KLHL13: variants seen among roughly 807,000 people sequenced by gnomAD.
KLHL13 encodes kelch-like protein 13.
A neutral mutation model predicts 37.1 loss-of-function variants in KLHL13; 10 were observed. That is an observed-to-expected ratio of 0.27 (90% CI 0.17 to 0.46). The LOEUF (loss-of-function observed/expected upper bound fraction) is 0.46, where lower values mean the gene tolerates loss of function less well. KLHL13 is among the 20% of genes least tolerant of loss of function. KLHL13 has a pLI of 1.00. For missense variants in KLHL13, 360 were observed against 509.3 expected (o/e 0.71, Z 2.82); for synonymous variants, 163 against 181.2 (o/e 0.90, Z 0.81).
chrX:118,039,450 T>C (rs1404982040), intron 1 of KLHL13, among the ~76,000 whole-genome samples: 1 of 111,697 alleles, frequency 9.0e-6, no homozygotes, highest in African/African-American at 3.3e-5. Flanking sequence ...AGCTAGATAG[T>C]ACTCATTACA....
intron 1 of KLHL13, among the ~76,000 whole-genome samples, chrX:118,023,014 G>A (rs2148014838): frequency 9.0e-6 from 1 of 111,597 alleles, no homozygotes; most frequent in African/African-American, 3.2e-5. Flanking sequence ...TATGATTTCA[G>A]GCCTTACACT....
intron 4 of KLHL13, among the ~76,000 whole-genome samples, chrX:117,910,715 T>C (rs780014323): frequency 8.0e-5 from 9 of 111,809 alleles, no homozygotes; most frequent in Non-Finnish European, 1.5e-4. Flanking sequence ...TATCTGGAAA[T>C]ATAAGCAAGG....
At chrX:118,093,227 T>C (rs889039035) in intron 1 of KLHL13, among the ~76,000 whole-genome samples, 2 of 111,986 alleles carry the variant, frequency 1.8e-5, no homozygotes, top group African/African-American at 6.5e-5. Context: ...AAGATAAATT[T>C]GAAACTAAAA....
intron 1 of KLHL13, among the ~76,000 whole-genome samples, chrX:117,966,559 C>T (rs901946521): frequency 4.5e-5 from 5 of 111,569 alleles, no homozygotes; most frequent in Non-Finnish European, 9.4e-5. Flanking sequence ...GAAAAAACTA[C>T]TTTAAAGTTC....
chrX:118,019,961 G>A (rs1218164600), intron 1 of KLHL13, among the ~76,000 whole-genome samples: 1 of 107,634 alleles, frequency 9.3e-6, no homozygotes, highest in Admixed American at 1.0e-4. Context: ...GCTTAGGATT[G>A]ACTTGGTGAT....
chrX:117,965,170 T>C (rs2053397988), intron 1 of KLHL13, among the ~76,000 whole-genome samples: 1 of 111,757 alleles, frequency 8.9e-6, no homozygotes, highest in South Asian at 3.8e-4. Context: ...CACACTGACT[T>C]CCACAATGGT....
At chrX:117,976,949 A>G (rs1480152835), upstream of KLHL13, among the ~76,000 whole-genome samples, 4 of 111,768 alleles carry the variant, frequency 3.6e-5, no homozygotes, top group African/African-American at 6.5e-5. Context: ...GTATAAACGA[A>G]AACACTGAAA....
At chrX:118,030,734 C>T (rs188288784) in intron 1 of KLHL13, among the ~76,000 whole-genome samples, 2 of 112,081 alleles carry the variant, frequency 1.8e-5, no homozygotes, top group African/African-American at 6.5e-5. Flanking sequence ...CTCTCTCCCT[C>T]TGCCTCTTTT....
At chrX:117,991,635 C>T (rs1224579576) in intron 1 of KLHL13, among the ~76,000 whole-genome samples, 2 of 110,558 alleles carry the variant, frequency 1.8e-5, no homozygotes, top group Non-Finnish European at 3.8e-5. Context: ...GATTTGCACA[C>T]AACTAAAAAA....
chrX:117,933,924 A>G (rs1466303191), intron 2 of KLHL13, among the ~76,000 whole-genome samples: 1 of 110,817 alleles, frequency 9.0e-6, no homozygotes, highest in Non-Finnish European at 1.9e-5. Flanking sequence ...TTTAAGATGG[A>G]TCATATACAC....
intron 1 of KLHL13, among the ~76,000 whole-genome samples, chrX:117,981,060 G>C (rs1405445034): frequency 8.9e-6 from 1 of 111,993 alleles, no homozygotes; most frequent in Non-Finnish European, 1.9e-5. Context: ...AACAGCTAAA[G>C]AGTACAGAGA....
At chrX:117,981,800 G>A (rs936503622) in intron 1 of KLHL13, among the ~76,000 whole-genome samples, 1 of 111,459 alleles carries the variant, frequency 9.0e-6, no homozygotes, top group Non-Finnish European at 1.9e-5. Context: ...TCCAAAAAGG[G>A]TGAAGAGGCA....
At chrX:118,095,648 T>G (rs1234427849) in intron 1 of KLHL13, among the ~76,000 whole-genome samples, 1 of 111,209 alleles carries the variant, frequency 9.0e-6, no homozygotes, top group Non-Finnish European at 1.9e-5. Context: ...GAAGTAAAGC[T>G]CTCCTCAGCA....
At chrX:117,940,023 G>C (rs764459943) in intron 2 of KLHL13, among the ~76,000 whole-genome samples, 11 of 111,838 alleles carry the variant, frequency 9.8e-5, no homozygotes, top group Admixed American at 4.8e-4. Context: ...GCCGATGCCT[G>C]TGTCCTGAAT....
At chrX:118,034,145 G>C (rs1233325138) in intron 1 of KLHL13, among the ~76,000 whole-genome samples, 49 of 99,671 alleles carry the variant, frequency 4.9e-4, no homozygotes, top group African/African-American at 2.1e-3. Flanking sequence ...AATAATGGGA[G>C]ACTTTAACAC....
At chrX:117,973,973 G>A (rs2053566576), upstream of KLHL13, among the ~76,000 whole-genome samples, 2 of 110,043 alleles carry the variant, frequency 1.8e-5, no homozygotes, top group African/African-American at 6.6e-5. Flanking sequence ...TTGTCAAGGA[G>A]GTTCAAAAAT....
chrX:117,964,945 C>T (rs2053390669), intron 1 of KLHL13, among the ~76,000 whole-genome samples: 1 of 111,710 alleles, frequency 9.0e-6, no homozygotes, highest in Admixed American at 9.5e-5. Flanking sequence ...GCATAGTATT[C>T]CATGGTGTAT....
intron 1 of KLHL13, chrX:117,947,391 A>G (rs893199242): frequency 8.9e-6 from 1 of 112,219 alleles, no homozygotes; most frequent in Non-Finnish European, 1.9e-5. Context: ...TTCCAAAGAC[A>G]TTTCTTTATT....
chrX:118,033,464 C>T (rs1199054789), intron 1 of KLHL13, among the ~76,000 whole-genome samples: 4 of 110,837 alleles, frequency 3.6e-5, no homozygotes, highest in Non-Finnish European at 7.6e-5. Context: ...GAATTTTCAA[C>T]CCAGAATTTC....
Sources: gnomAD v4.1 joint callset for allele counts (sites outside exome capture counted in the v4.1 genomes callset) on GRCh38, gnomAD v4.1.1 for gene constraint, MANE v1.5 for transcripts, NCBI Gene and HGNC (gene_info 2026-07-23, HGNC 2026-07-21) for gene names.